Variants in PPIL2 observed in about 807,000 individuals in gnomAD.
PPIL2 encodes peptidylprolyl isomerase like 2.
PPIL2 carries 50 observed loss-of-function variants against 75.2 expected under a neutral mutation model. The ratio of observed to expected loss-of-function variants is 0.66; its 90% confidence interval spans 0.53 to 0.84. PPIL2 has a LOEUF of 0.84. Among genes scored for constraint, PPIL2 ranks in the 40% least tolerant of loss-of-function variants. The pLI is 0.00. For missense variants in PPIL2, 590 were observed against 685.0 expected (o/e 0.86, Z 1.55); for synonymous variants, 245 against 258.8 (o/e 0.95, Z 0.51).
Position 21,695,985 on chromosome 22 carries a change from C to G in PPIL2, c.*495C>G. ...TACAGCCGTGCACCACTACATCCAG[C>G]TGTATATGTCTGGTTTTCTTACCCC... On this transcript the variant is annotated 3_prime_UTR_variant, in exon 20 of 20. Transcript: ENST00000398831. 2.0e-6 allele frequency: 1 copy of G among 506,910 alleles called. No homozygotes were observed. The highest frequency in any genetic ancestry group is 2.6e-6 in the Non-Finnish European group (1 of 384,506). The allele number at this position is 506,910 out of a possible 1,614,324, so 31.4% of individuals were successfully genotyped here.
At chr22:21,694,446 T>G in intron 16 of PPIL2, 147 bp from the exon 17 acceptor site, 1 of 799,658 alleles carries the variant, frequency 1.3e-6, no homozygotes, top group Non-Finnish European at 2.0e-6. Context: ...CCCTTGCCAC[T>G]CCCTCTCATC....
chr22:21,693,486 T>C (rs1259620985), intron 15 of PPIL2, among the ~76,000 whole-genome samples: 2 of 152,226 alleles, frequency 1.3e-5, no homozygotes, highest in Admixed American at 1.3e-4. Context: ...GGCTCTGGTT[T>C]TCCAGGTGTC....
Position 21,684,931 on chromosome 22 carries a change from C to T in PPIL2, c.714+18C>T. The T allele has an allele frequency of 1.2e-6, 2 of 1,612,432 alleles. No homozygotes were observed. Among genetic ancestry groups the T allele is most frequent in the Non-Finnish European group, 1.7e-6 (2 of 1,178,844 alleles). ...TGAACGCTGTGAGTGGCGGAGGGCA[C>T]TCGGCCAAGCCCAAGCCCCGTCTTC... On this transcript the variant is annotated intron_variant, in intron 10 of 19. Transcript: ENST00000398831.
Position 21,684,668 on chromosome 22 carries a change from G to A in PPIL2, c.554-85G>A, listed in dbSNP as rs2067278972. The A allele has an allele frequency of 3.3e-6, 5 of 1,524,384 alleles. 1 individual carries two copies. The East Asian group carries it at 1.2e-4, about 36-fold the overall frequency. 94.4% of individuals were successfully genotyped at this position (1,524,384 alleles called of 1,614,324 possible). A position where few individuals can be genotyped will look rare whatever the true frequency, so the allele number is the denominator to read the frequency against. Reference sequence around the variant, plus strand: ...CCTGCGCCATGGCTGGACGGCCCTGGGCTATTCTAGATCTGTGTCCCCAGC... The same window carrying A: ...CCTGCGCCATGGCTGGACGGCCCTGAGCTATTCTAGATCTGTGTCCCCAGC... On this transcript the variant is annotated intron_variant, in intron 9 of 19. Coordinates refer to ENST00000398831, the MANE Select transcript of PPIL2 (RefSeq NM_014337.4).
chr22:21,692,312 G>A (rs931051839), intron 15 of PPIL2, among the ~76,000 whole-genome samples: 6 of 151,678 alleles, frequency 4.0e-5, no homozygotes, highest in South Asian at 2.1e-4. Context: ...CCCGCCACAC[G>A]CCTGGCTAAT....
rs2067836543 is a variant in PPIL2, at chr22:21,694,654, GACC to G, written c.1259_1261del (p.Asp420_Arg421delinsGly). 6.2e-7 allele frequency: 1 copy of G among 1,614,000 alleles called. No individual in the cohort carries two copies. The highest frequency in any genetic ancestry group is 1.3e-5 in the African/African-American group (1 of 74,920). On this transcript the variant is annotated inframe_deletion, in exon 17 of 20. Transcript: ENST00000398831. Reference sequence around the variant, plus strand: ...GAATGTGGAGAGTGACCCCAAAACTGACCGCCCTAAGGTCTGTGCCCAGGGAGG... The same window carrying G: ...GAATGTGGAGAGTGACCCCAAAACTGGCCCTAAGGTCTGTGCCCAGGGAGG...
In PPIL2 at chr22:21,670,736, T is replaced by C. The variant is rs1306665211; in HGVS notation, c.128+125T>C. ...TGCCTTGAAGATGTGGCCCTTCAGT[T>C]CATGTTGGGAGAAGATGCAGAGTCC... On this transcript the variant is annotated intron_variant, in intron 3 of 19. Coordinates refer to ENST00000398831, the MANE Select transcript of PPIL2 (RefSeq NM_014337.4). 3 of 1,117,590 alleles carry C rather than the reference T, an allele frequency of 2.7e-6. No individual in the cohort carries two copies. The African/African-American group carries it at 4.6e-5, about 17-fold the overall frequency. The allele number at this position is 1,117,590 out of a possible 1,614,324, so 69.2% of individuals were successfully genotyped here.
rs192519807 is a variant in PPIL2 at position 21,689,719 on chromosome 22, G to A, written c.1139+870G>A. ...GGGCCTGATGGGGGAGGAGGATGTG[G>A]GCATCTTGCTGTGCTCCACAGAAAT... On this transcript the variant is annotated intron_variant, in intron 15 of 19. Transcript: ENST00000398831. Among the ~76,000 whole-genome samples the A allele has an allele frequency of 1.0e-3, 155 of 152,288 alleles. 1 individual carries two copies. The highest frequency in any genetic ancestry group is 3.6e-3 in the African/African-American group (150 of 41,558).
intron 8 of PPIL2, 61 bp from the exon 9 acceptor site, chr22:21,683,121 T>C: frequency 7.1e-7 from 1 of 1,405,910 alleles, no homozygotes. Flanking sequence ...CTTTGCTGCA[T>C]GTGGCTGCCA....
Position 21,694,818 on chromosome 22 carries a change from G to T in PPIL2, c.1332+1G>T. ...CCCCTATGAGGAGGCCGATGCCCAGGTGAGGGGGCACGATGCCACCACCTA... is the reference window on the plus strand; with the variant it reads ...CCCCTATGAGGAGGCCGATGCCCAGTTGAGGGGGCACGATGCCACCACCTA... On this transcript the variant is annotated splice_donor_variant, in intron 18 of 19. Coordinates refer to ENST00000398831, the MANE Select transcript of PPIL2 (RefSeq NM_014337.4). LOFTEE classifies it high-confidence loss of function. 6.3e-7 allele frequency: 1 copy of T among 1,598,478 alleles called. No homozygotes were observed. The highest frequency in any genetic ancestry group is 8.5e-7 in the Non-Finnish European group (1 of 1,170,122).
chr22:21,695,590 C>A lies in PPIL2; in HGVS notation c.*100C>A. The A allele has an allele frequency of 6.6e-7, 1 of 1,526,022 alleles. No homozygotes were observed. The highest frequency in any genetic ancestry group is 8.8e-7 in the Non-Finnish European group (1 of 1,134,400). 94.5% of individuals were successfully genotyped at this position (1,526,022 alleles called of 1,614,324 possible). The stretch of plus-strand genomic sequence containing the variant: ...TTTCTAGCCTGCCCTCTGCTGCCAG[C>A]CAATAAATTGCTTGCCTGCTGCCTG... On this transcript the variant is annotated 3_prime_UTR_variant, in exon 20 of 20. Transcript: ENST00000398831.
intron 10 of PPIL2, chr22:21,685,702 G>T (rs1297172065): frequency 4.4e-6 from 2 of 451,630 alleles, no homozygotes; most frequent in Non-Finnish European, 8.9e-6. Context: ...TCCTGCCTTG[G>T]CCTCCGAAAG....
rs913170236 is a variant in PPIL2, at chr22:21,679,859, G to T, written c.296-1440G>T. On this transcript the variant is annotated intron_variant, in intron 6 of 19. Transcript: ENST00000398831. ...TCCCAGCACTTTGGGAGGCCAAGGT[G>T]GGCAGATCACGAGATCAGGAGATCG... 2.7e-5 allele frequency among the ~76,000 whole-genome samples: 4 copies of T among 150,366 alleles called. No homozygotes were observed. The East Asian group carries it at 8.2e-4, about 31-fold the overall frequency.
At chr22:21,678,707 T>A (rs2066978884) in intron 6 of PPIL2, among the ~76,000 whole-genome samples, 2 of 152,002 alleles carry the variant, frequency 1.3e-5, no homozygotes, top group Non-Finnish European at 2.9e-5. Flanking sequence ...AAAAACAGTT[T>A]TCACATCAGA....
intron 1 of PPIL2, among the ~76,000 whole-genome samples, chr22:21,666,363 G>A (rs958116020): frequency 5.3e-5 from 8 of 152,180 alleles, no homozygotes; most frequent in African/African-American, 1.9e-4. Context: ...AGCGCAGCCC[G>A]GTTTTCCTTA....
chr22:21,690,842 G>A (rs1162278465), intron 15 of PPIL2, among the ~76,000 whole-genome samples: 6 of 152,074 alleles, frequency 3.9e-5, no homozygotes, highest in East Asian at 3.9e-4. Context: ...GGTTGGGTGC[G>A]TGGTTTGTTT....
chr22:21,670,085 T>C, intron 2 of PPIL2, 123 bp downstream of exon 2: 1 of 1,064,986 alleles, frequency 9.4e-7, no homozygotes, highest in South Asian at 1.3e-5. Flanking sequence ...ACGAATGGGC[T>C]GAGGACACAG....
At chr22:21,692,374 T>A (rs959449120) in intron 15 of PPIL2, among the ~76,000 whole-genome samples, 1 of 151,356 alleles carries the variant, frequency 6.6e-6, no homozygotes, top group Non-Finnish European at 1.5e-5. Flanking sequence ...GAGGATGGTC[T>A]CGATCTCCTG....
At chr22:21,681,181 C>A in intron 6 of PPIL2, 118 bp from the exon 7 acceptor site, 1 of 786,846 alleles carries the variant, frequency 1.3e-6, no homozygotes, top group Non-Finnish European at 2.2e-6. Context: ...ACATGGGGTT[C>A]CACCTCCTCC....
Sources: gnomAD v4.1 joint callset for allele counts (sites outside exome capture counted in the v4.1 genomes callset) on GRCh38, gnomAD v4.1.1 for gene constraint, MANE v1.5 for transcripts, NCBI Gene and HGNC (gene_info 2026-07-23, HGNC 2026-07-21) for gene names.